The following ENOX1 variants were observed in gnomAD, a reference collection of about 807,000 sequenced individuals.
ENOX1 encodes ecto-NOX disulfide-thiol exchanger 1, also known as candidate growth-related and time keeping constitutive hydroquinone (NADH) oxidase.
ENOX1 carries 42 observed loss-of-function variants against 82.5 expected under a neutral mutation model. The observed-to-expected ratio is 0.51, with a 90% CI of 0.40 to 0.66. The LOEUF (loss-of-function observed/expected upper bound fraction) is 0.66, where lower values mean the gene tolerates loss of function less well. Ranked by LOEUF, ENOX1 falls within the 30% of genes least tolerant of loss-of-function variation. The pLI is 0.00. For synonymous variants in ENOX1, 271 were observed against 282.2 expected, an observed-to-expected ratio of 0.96 and a Z score of 0.40; for missense variants, 608 against 811.6, an observed-to-expected ratio of 0.75 and a Z score of 3.05.
intron 3 of ENOX1, among the ~76,000 whole-genome samples, chr13:43,445,394 A>G (rs1410619499): frequency 6.6e-6 from 1 of 152,072 alleles, no homozygotes; most frequent in Non-Finnish European, 1.5e-5. Flanking sequence ...AAGTGCTGGG[A>G]TTACAGGTGT....
intron 9 of ENOX1, among the ~76,000 whole-genome samples, chr13:43,342,419 A>G (rs897858060): frequency 6.6e-6 from 1 of 152,172 alleles, no homozygotes; most frequent in African/African-American, 2.4e-5. Flanking sequence ...GAGAATGGGA[A>G]GGAAAAACCA....
intron 11 of ENOX1, among the ~76,000 whole-genome samples, chr13:43,303,900 AC>A: frequency 1.3e-5 from 2 of 152,286 alleles, no homozygotes; most frequent in Middle Eastern, 6.8e-3. Flanking sequence ...CAGAGACCAC[AC>A]TTTGAGAGCC....
At chr13:43,675,790 AT>A (rs1397621677) in intron 1 of ENOX1, among the ~76,000 whole-genome samples, 4 of 152,156 alleles carry the variant, frequency 2.6e-5, no homozygotes, top group African/African-American at 9.7e-5. Context: ...CATCTGGAGC[AT>A]GTGGGGCACC....
intron 3 of ENOX1, among the ~76,000 whole-genome samples, chr13:43,414,760 C>G (rs2054343031): frequency 6.6e-6 from 1 of 152,158 alleles, no homozygotes. Context: ...AGTTTAGTGG[C>G]TAGCCTCCTT....
intron 2 of ENOX1, among the ~76,000 whole-genome samples, chr13:43,640,895 C>T (rs190096320): frequency 8.5e-5 from 9 of 106,120 alleles, no homozygotes; most frequent in Non-Finnish European, 1.5e-4. Context: ...CACACACACA[C>T]GTACACACAC....
At chr13:43,363,763 C>T (rs1388820715) in intron 5 of ENOX1, among the ~76,000 whole-genome samples, 3 of 152,180 alleles carry the variant, frequency 2.0e-5, no homozygotes, top group Admixed American at 6.5e-5. Flanking sequence ...AAGAGAAGCC[C>T]AGTGCTTGCA....
At position 43,421,319 on chromosome 13, in the gene ENOX1, A is replaced by G. The variant is rs554642186; in HGVS notation, c.-74-8331T>C. 2.6e-5 allele frequency among the ~76,000 whole-genome samples: 4 copies of G among 152,348 alleles called. No homozygotes were observed. In the South Asian group the frequency reaches 6.2e-4, roughly 24 times the overall value. On this transcript the variant is annotated intron_variant, in intron 3 of 16. Transcript: ENST00000690772. The stretch of plus-strand genomic sequence containing the variant: ...GATGAAAATGTATTTAATGCTGGCA[A>G]TACAACAGACAGTCCTCAAATGACG...
chr13:43,501,912 G>A (rs1446921452), intron 2 of ENOX1, among the ~76,000 whole-genome samples: 2 of 150,748 alleles, frequency 1.3e-5, no homozygotes, highest in Non-Finnish European at 3.0e-5. Flanking sequence ...AGAAATAAAT[G>A]AACTAGAAAA....
intron 6 of ENOX1, 87 bp from the exon 7 acceptor site, chr13:43,360,144 A>C: frequency 8.2e-7 from 1 of 1,225,626 alleles, no homozygotes; most frequent in South Asian, 1.3e-5. Flanking sequence ...TTGCAGAGTA[A>C]CTTTCTCCAG....
intron 3 of ENOX1, among the ~76,000 whole-genome samples, chr13:43,438,114 A>G (rs1257023630): frequency 6.6e-6 from 1 of 152,168 alleles, no homozygotes; most frequent in Non-Finnish European, 1.5e-5. Context: ...AAAAGTGGAG[A>G]ACGATGCTAA....
chr13:43,338,633 C>T (rs1365614139), intron 9 of ENOX1, among the ~76,000 whole-genome samples: 1 of 148,826 alleles, frequency 6.7e-6, no homozygotes, highest in Non-Finnish European at 1.5e-5. Context: ...AATCGCCCTA[C>T]ACAGAAGTGA....
chr13:43,428,378 G>A (rs1007908560), intron 3 of ENOX1, among the ~76,000 whole-genome samples: 2 of 152,190 alleles, frequency 1.3e-5, no homozygotes, highest in Non-Finnish European at 2.9e-5. Context: ...TAAGCTGAGA[G>A]CTTGGGATAA....
chr13:43,614,933 C>G (rs2082344213), intron 2 of ENOX1, among the ~76,000 whole-genome samples: 1 of 152,068 alleles, frequency 6.6e-6, no homozygotes, highest in South Asian at 2.1e-4. Context: ...TCAGAACATG[C>G]ATTTTAACAA....
At chr13:43,507,874 ACAAT>A (rs1427938057) in intron 2 of ENOX1, among the ~76,000 whole-genome samples, 1 of 152,072 alleles carries the variant, frequency 6.6e-6, no homozygotes, top group Non-Finnish European at 1.5e-5. Flanking sequence ...AAAAACAAAT[ACAAT>A]CATAGTATAC....
At chr13:43,670,133 A>T (rs940642239) in intron 1 of ENOX1, among the ~76,000 whole-genome samples, 2 of 152,224 alleles carry the variant, frequency 1.3e-5, no homozygotes, top group Non-Finnish European at 2.9e-5. Context: ...ACAACGACAC[A>T]GAGTAGCACA....
At chr13:43,617,768 GTTCTAC>G (rs2082544913) in intron 2 of ENOX1, among the ~76,000 whole-genome samples, 1 of 152,188 alleles carries the variant, frequency 6.6e-6, no homozygotes, top group South Asian at 2.1e-4. Flanking sequence ...TCAAATGGTA[GTTCTAC>G]TTCTAGTTCT....
intron 12 of ENOX1, among the ~76,000 whole-genome samples, chr13:43,271,242 G>C (rs1235477817): frequency 6.6e-6 from 1 of 152,202 alleles, no homozygotes; most frequent in Non-Finnish European, 1.5e-5. Context: ...CAGAAGAAGG[G>C]AGGTGGACAT....
At chr13:43,580,036 A>G (rs931963238) in intron 2 of ENOX1, among the ~76,000 whole-genome samples, 2 of 152,164 alleles carry the variant, frequency 1.3e-5, no homozygotes, top group South Asian at 4.1e-4. Flanking sequence ...GATAGTAATC[A>G]TGCCTTTTTA....
intron 12 of ENOX1, among the ~76,000 whole-genome samples, chr13:43,286,155 A>G (rs989929419): frequency 6.6e-6 from 1 of 152,206 alleles, no homozygotes; most frequent in African/African-American, 2.4e-5. Flanking sequence ...TGGCATTGGT[A>G]GACTAGAAAG....
Sources: allele counts gnomAD v4.1 joint callset (sites outside exome capture counted in the v4.1 genomes callset), GRCh38; gene constraint gnomAD v4.1.1; transcripts MANE v1.5; gene names NCBI Gene and HGNC (gene_info 2026-07-23, HGNC 2026-07-21).